The following GHRHR variants were observed in gnomAD, a reference collection of about 807,000 sequenced individuals.
GHRHR encodes the protein growth hormone-releasing hormone receptor.
Under a neutral mutation model 58.3 loss-of-function variants are expected in GHRHR, and 40 were observed. That is an observed-to-expected ratio of 0.69 (90% CI 0.53 to 0.89). The LOEUF (loss-of-function observed/expected upper bound fraction) is 0.89, where lower values mean the gene tolerates loss of function less well. Among genes scored for constraint, GHRHR ranks in the 40% least tolerant of loss-of-function variants. The pLI, the probability that GHRHR is intolerant of heterozygous loss-of-function variation, is 0.00. For synonymous variants in GHRHR, 249 were observed against 216.6 expected, an observed-to-expected ratio of 1.15 and a Z score of -1.31; for missense variants, 551 against 541.3, an observed-to-expected ratio of 1.02 and a Z score of -0.18.
In GHRHR at chr7:30,972,115, G is replaced by A. The variant is rs755218770; in HGVS notation, c.597+20G>A. 1.9e-6 allele frequency: 3 copies of A among 1,613,286 alleles called. No homozygotes were observed. Among genetic ancestry groups the A allele is most frequent in the East Asian group, 2.2e-5 (1 of 44,854 alleles). The stretch of plus-strand genomic sequence containing the variant: ...TCCACTGTAATGGCCATGGGTGAAG[G>A]GGCTGGGCAGGTGGGGGAGAGAGGA... On this transcript the variant is annotated intron_variant, in intron 6 of 12. Transcript: ENST00000326139.
intron 4 of GHRHR, 114 bp downstream of exon 4, chr7:30,970,078 C>G (rs1245010582): frequency 2.6e-6 from 2 of 755,496 alleles, no homozygotes; most frequent in East Asian, 4.9e-5. Context: ...CTACTTACAG[C>G]AGTTTTCCAG....
Position 30,969,180 on chromosome 7 carries a change from GC to G in GHRHR, c.268+11del. 1 of 1,503,906 alleles carries G rather than the reference GC, an allele frequency of 6.6e-7. No individual in the cohort carries two copies. Among genetic ancestry groups the G allele is most frequent in the Non-Finnish European group, 9.1e-7 (1 of 1,103,968 alleles). The allele number at this position is 1,503,906 out of a possible 1,614,324, so 93.2% of individuals were successfully genotyped here. A position where few individuals can be genotyped will look rare whatever the true frequency, so the allele number is the denominator to read the frequency against. ...TTCAGCTCAGAGTCAGGTGAGGGGT[GC>G]TGGGTGTGGCGGTGGGAAAGGGAGG... is the stretch of plus-strand genomic sequence containing the variant. On this transcript the variant is annotated intron_variant, in intron 3 of 12. Coordinates refer to ENST00000326139, the MANE Select transcript of GHRHR (RefSeq NM_000823.4).
intron 3 of GHRHR, chr7:30,969,560 A>C (rs867381838): frequency 1.7e-6 from 1 of 602,294 alleles, no homozygotes; most frequent in African/African-American, 1.9e-5. Flanking sequence ...GTGCTGGGAC[A>C]GTGAGGGCCT....
At chr7:30,976,328 C>G in intron 10 of GHRHR, 101 bp from the exon 11 acceptor site, 2 of 1,107,140 alleles carry the variant, frequency 1.8e-6, no homozygotes, top group South Asian at 2.5e-5. Flanking sequence ...GGCTGTTCCA[C>G]AGAGTGGATA....
rs1792526026 is a variant in GHRHR, at chr7:30,973,996, G to A, written c.609G>A (p.Lys203=). 1 of 1,613,510 alleles carries A rather than the reference G, an allele frequency of 6.2e-7. No homozygotes were observed. Among genetic ancestry groups the A allele is most frequent in the African/African-American group, 1.3e-5 (1 of 74,892 alleles). ...GTCCTGGCCCCCAGGTTCTATGCAA[G>A]GTCTCTGTGGCCGCCTCCCATTTCG... ...DHCSFSTVLC[K]VSVAASHFAT... The change falls in exon 7 of 13, where the codon AAG becomes AAA. Residue 203 remains lysine (K), a synonymous_variant. Transcript: ENST00000326139.
Position 30,979,119 on chromosome 7 carries a change from G to T in GHRHR, c.1147G>T (p.Val383Leu), listed in dbSNP as rs747380710. The change falls in exon 13 of 13, where the codon GTG (valine) becomes TTG (leucine). Residue 383 changes from valine (V) to leucine (L), a missense_variant and splice_region_variant. Val to Leu is a conservative substitution (Grantham distance 32). Coordinates refer to ENST00000326139, the MANE Select transcript of GHRHR (RefSeq NM_000823.4). ...AILYCFLNQE[V>L]RTEISRKWHG... Reference sequence around the variant, plus strand: ...AACGTCCTCTTCCTTGTCCCTGGAGGTGAGGACTGAGATCTCACGGAAGTG... The same window carrying T: ...AACGTCCTCTTCCTTGTCCCTGGAGTTGAGGACTGAGATCTCACGGAAGTG... 5 of 1,613,592 alleles carry T rather than the reference G, an allele frequency of 3.1e-6. No individual in the cohort carries two copies. In the East Asian group the frequency reaches 1.1e-4, roughly 36 times the overall value.
intron 2 of GHRHR, 55 bp downstream of exon 2, chr7:30,968,991 C>T: frequency 6.5e-7 from 1 of 1,544,912 alleles, no homozygotes; most frequent in Non-Finnish European, 8.9e-7. Context: ...TATCCTCCAG[C>T]CTCACCCCTC....
rs181168274 is a variant in GHRHR at position 30,979,217 on chromosome 7, G to A, written c.1245G>A (p.Ala415=). ...AGTGGACCACGCCTTCCCGCTCGGC[G>A]GCAAAGGTGCTGACATCTATGTGCT... ...RAKWTTPSRS[A]AKVLTSMC The change falls in exon 13 of 13, where the codon GCG becomes GCA. Residue 415 remains alanine (A), a synonymous_variant. Transcript: ENST00000326139. 43 of 1,614,068 alleles carry A rather than the reference G, an allele frequency of 2.7e-5. No homozygotes were observed. In the Admixed American group the frequency reaches 3.2e-4, roughly 12 times the overall value.
At chr7:30,978,109 G>A (rs1401245259) in intron 12 of GHRHR, among the ~76,000 whole-genome samples, 4 of 152,228 alleles carry the variant, frequency 2.6e-5, no homozygotes, top group Non-Finnish European at 5.9e-5. Flanking sequence ...CATTCTGTGA[G>A]AGTTGGCTGC....
At chr7:30,965,946 G>A (rs775322873) in intron 1 of GHRHR, among the ~76,000 whole-genome samples, 9 of 152,186 alleles carry the variant, frequency 5.9e-5, no homozygotes, top group Non-Finnish European at 7.3e-5. Flanking sequence ...CTGAGTCCTC[G>A]GGAGGAAGCC....
chr7:30,972,191 G>A, intron 6 of GHRHR, 96 bp downstream of exon 6: 1 of 1,394,866 alleles, frequency 7.2e-7, no homozygotes, highest in Non-Finnish European at 1.0e-6. Context: ...CTGCCCTGTG[G>A]GCTGACCCTG....
At chr7:30,968,763 G>A in intron 1 of GHRHR, 71 bp from the exon 2 acceptor site, 1 of 984,966 alleles carries the variant, frequency 1.0e-6, no homozygotes, top group Non-Finnish European at 1.6e-6. Context: ...CCTGTTCTCA[G>A]GTCATGTGGA....
At chr7:30,967,782 A>G (rs1792388899) in intron 1 of GHRHR, among the ~76,000 whole-genome samples, 1 of 151,656 alleles carries the variant, frequency 6.6e-6, no homozygotes, top group African/African-American at 2.4e-5. Context: ...TCATTCATTC[A>G]TCCATCTTCT....
At chr7:30,964,237 T>G in intron 1 of GHRHR, 112 bp downstream of exon 1, 4 of 959,670 alleles carry the variant, frequency 4.2e-6, no homozygotes, top group South Asian at 1.4e-5. Context: ...TGCTCTAGAG[T>G]CCCTCCCTAC....
At position 30,979,133 on chromosome 7, in the gene GHRHR, C is replaced by T. The variant is rs771381012; in HGVS notation, c.1161C>T (p.Ile387=). The part of the protein sequence containing the change: ...CFLNQEVRTE[I]SRKWHGHDPE... ...TGTCCCTGGAGGTGAGGACTGAGAT[C>T]TCACGGAAGTGGCATGGCCATGACC... Residue 387 remains isoleucine (I), a synonymous_variant, in exon 13 of 13, where the codon ATC becomes ATT. Coordinates refer to ENST00000326139, the MANE Select transcript of GHRHR (RefSeq NM_000823.4). 1.2e-6 allele frequency: 2 copies of T among 1,613,862 alleles called. No homozygotes were observed. Among genetic ancestry groups the T allele is most frequent in the Non-Finnish European group, 1.7e-6 (2 of 1,179,752 alleles).
chr7:30,967,643 G>T (rs1173173869), intron 1 of GHRHR, among the ~76,000 whole-genome samples: 1 of 128,066 alleles, frequency 7.8e-6, no homozygotes, highest in East Asian at 2.1e-4. Flanking sequence ...TTGTCTGTCT[G>T]TCTGTATACT....
At chr7:30,964,413 G>GC (rs56104493) in intron 1 of GHRHR, among the ~76,000 whole-genome samples, 152,276 of 152,276 alleles carry the variant, frequency 1, 76,138 homozygotes, top group Non-Finnish European at 1. Flanking sequence ...GCCTGGCTGT[G>GC]CCTCTGGGGG....
chr7:30,969,450 G>A, intron 3 of GHRHR: 2 of 594,598 alleles, frequency 3.4e-6, no homozygotes, highest in Non-Finnish European at 3.0e-6. Flanking sequence ...GGCTGCAAGG[G>A]TGGAGGAGGG....
chr7:30,966,641 T>C (rs1792361384), intron 1 of GHRHR, among the ~76,000 whole-genome samples: 1 of 121,510 alleles, frequency 8.2e-6, no homozygotes, highest in South Asian at 2.6e-4. Context: ...TGCTTCTTTT[T>C]GTTTTTTTTT....
Sources: gnomAD v4.1 joint callset for allele counts (sites outside exome capture counted in the v4.1 genomes callset) on GRCh38, gnomAD v4.1.1 for gene constraint, MANE v1.5 for transcripts, NCBI Gene and HGNC (gene_info 2026-07-23, HGNC 2026-07-21) for gene names.